Variants in SHANK2 observed in about 807,000 individuals in gnomAD.
The protein encoded by SHANK2 is SH3 and multiple ankyrin repeat domains 2, also known as SH3 and multiple ankyrin repeat domains protein 2.
SHANK2 carries 43 observed loss-of-function variants against 133.7 expected under a neutral mutation model. That is an observed-to-expected ratio of 0.32 (90% CI 0.25 to 0.41). SHANK2 has a LOEUF of 0.41. Among genes scored for constraint, SHANK2 ranks in the 10% least tolerant of loss-of-function variants. SHANK2 has a pLI of 1.00. For missense variants in SHANK2, 1,994 were observed against 2,235.8 expected, an observed-to-expected ratio of 0.89 and a Z score of 2.18; for synonymous variants, 1,017 against 952.8, an observed-to-expected ratio of 1.07 and a Z score of -1.24.
At chr11:70,727,641 T>G (rs1555031003) in intron 14 of SHANK2, among the ~76,000 whole-genome samples, 1 of 152,210 alleles carries the variant, frequency 6.6e-6, no homozygotes, top group East Asian at 1.9e-4. Flanking sequence ...CTGCTACCCC[T>G]GCTCTGCATT....
chr11:70,755,672 C>A (rs1946852741), intron 14 of SHANK2, among the ~76,000 whole-genome samples: 1 of 152,158 alleles, frequency 6.6e-6, no homozygotes, highest in South Asian at 2.1e-4. Flanking sequence ...CTGGAGGCCG[C>A]CCTCGGCTCC....
chr11:70,895,115 A>T (rs1461559311), intron 11 of SHANK2, among the ~76,000 whole-genome samples: 1 of 152,212 alleles, frequency 6.6e-6, no homozygotes, highest in African/African-American at 2.4e-5. Context: ...TGTGCAAGTC[A>T]GTGTCAGGCG....
At chr11:70,612,058 G>A (rs570453876) in intron 17 of SHANK2, among the ~76,000 whole-genome samples, 214 of 152,198 alleles carry the variant, frequency 1.4e-3, no homozygotes, top group African/African-American at 4.5e-3. Context: ...AGGAGGCGGC[G>A]TCCGGGCGTG....
At chr11:70,532,742 A>C (rs1380516891) in intron 17 of SHANK2, among the ~76,000 whole-genome samples, 1 of 152,224 alleles carries the variant, frequency 6.6e-6, no homozygotes, top group Non-Finnish European at 1.5e-5. Flanking sequence ...CCAATGACCC[A>C]GCAATTCCAT....
intron 14 of SHANK2, among the ~76,000 whole-genome samples, chr11:70,719,743 C>T (rs547210093): frequency 6.6e-6 from 1 of 151,456 alleles, no homozygotes; most frequent in Non-Finnish European, 1.5e-5. Flanking sequence ...TCCACAACAG[C>T]CCCGCGCTCC....
At chr11:71,218,831 G>C (rs547182106) in intron 2 of SHANK2, among the ~76,000 whole-genome samples, 2 of 152,308 alleles carry the variant, frequency 1.3e-5, no homozygotes. Context: ...TTGCTGTCCT[G>C]CCACTCAACC....
At chr11:71,077,988 G>A (rs1322549027) in intron 8 of SHANK2, among the ~76,000 whole-genome samples, 1 of 152,060 alleles carries the variant, frequency 6.6e-6, no homozygotes, top group Non-Finnish European at 1.5e-5. Context: ...TCTGCCTACT[G>A]AGAGGGTGCA....
At chr11:70,757,387 C>T (rs1946897583) in intron 14 of SHANK2, among the ~76,000 whole-genome samples, 1 of 152,232 alleles carries the variant, frequency 6.6e-6, no homozygotes. Flanking sequence ...AAGTCCTGCC[C>T]GCAGGGCTGG....
At chr11:70,708,660 C>T (rs999589904) in intron 14 of SHANK2, among the ~76,000 whole-genome samples, 2 of 152,180 alleles carry the variant, frequency 1.3e-5, no homozygotes, top group South Asian at 2.1e-4. Flanking sequence ...AGAGCACTTC[C>T]GGGTCAGGCA....
intron 17 of SHANK2, among the ~76,000 whole-genome samples, chr11:70,524,322 G>A (rs2059369126): frequency 2.6e-5 from 4 of 152,350 alleles, no homozygotes; most frequent in Admixed American, 2.6e-4. Flanking sequence ...CCTTACCAGC[G>A]TGGATGCACA....
At chr11:70,787,479 C>A (rs1947693620) in intron 14 of SHANK2, among the ~76,000 whole-genome samples, 1 of 148,224 alleles carries the variant, frequency 6.7e-6, no homozygotes. Flanking sequence ...ACTATCATCA[C>A]CGTGACCACC....
At chr11:70,561,447 C>T (rs1323455412) in intron 17 of SHANK2, among the ~76,000 whole-genome samples, 1 of 151,974 alleles carries the variant, frequency 6.6e-6, no homozygotes, top group African/African-American at 2.4e-5. Flanking sequence ...GCCAAAGAAC[C>T]AACTTTTGGT....
At chr11:70,773,892 T>TGAAGCCACTGTGGAACACAGTCTAG (rs1947306365) in intron 14 of SHANK2, among the ~76,000 whole-genome samples, 1 of 152,152 alleles carries the variant, frequency 6.6e-6, no homozygotes, top group African/African-American at 2.4e-5. Context: ...GAATGTAAAA[T>TGAAGCCACTGTGGAACACAGTCTAG]GAAGCCACTG....
At chr11:70,687,693 C>G (rs1301414488) in intron 15 of SHANK2, among the ~76,000 whole-genome samples, 1 of 152,208 alleles carries the variant, frequency 6.6e-6, no homozygotes, top group South Asian at 2.1e-4. Context: ...TCTCCTTTGC[C>G]TGCCGGCGGG....
intron 14 of SHANK2, among the ~76,000 whole-genome samples, chr11:70,756,170 C>T (rs531291782): frequency 6.6e-6 from 1 of 152,200 alleles, no homozygotes; most frequent in Admixed American, 6.5e-5. Flanking sequence ...GTTCCCAGAG[C>T]GAGGCAGAGA....
At chr11:71,096,759 GC>G (rs1327832081) in intron 6 of SHANK2, among the ~76,000 whole-genome samples, 6 of 152,218 alleles carry the variant, frequency 3.9e-5, no homozygotes, top group Non-Finnish European at 7.4e-5. Context: ...TTTGCCCAAT[GC>G]AAAAAGGCAG....
At chr11:70,542,124 T>C (rs531575805) in intron 17 of SHANK2, among the ~76,000 whole-genome samples, 7 of 152,194 alleles carry the variant, frequency 4.6e-5, no homozygotes, top group African/African-American at 9.7e-5. Context: ...ACAGACTACA[T>C]AGTGAGCTGA....
intron 3 of SHANK2, among the ~76,000 whole-genome samples, chr11:71,122,646 T>TTTAAGAACTTAAAGTATAA (rs1952101441): frequency 6.6e-6 from 1 of 152,032 alleles, no homozygotes; most frequent in South Asian, 2.1e-4. Context: ...TAAAGTATAA[T>TTTAAGAACTTAAAGTATAA]TTTAAAAAAA....
In SHANK2 at chr11:70,569,785, T is replaced by C. The variant is rs191523413; in HGVS notation, c.2062-66854A>G. Among the ~76,000 whole-genome samples the C allele has an allele frequency of 1.3e-5, 2 of 152,152 alleles. No individual in the cohort carries two copies. The highest frequency in any genetic ancestry group is 3.9e-4 in the East Asian group (2 of 5,156). On this transcript the variant is annotated intron_variant, in intron 17 of 25. Coordinates refer to ENST00000601538, the MANE Select transcript of SHANK2 (RefSeq NM_012309.5). The surrounding 1 kb of genome is among the most constrained non-coding windows in gnomAD (Gnocchi z 5.1). ...CTCTCCTGTCCCTGGGGGGCTGTGA[T>C]GCTGGCAGATGTGTGAGCACGGAGG...
Sources: allele counts gnomAD v4.1 joint callset (sites outside exome capture counted in the v4.1 genomes callset), GRCh38; gene constraint gnomAD v4.1.1; non-coding constraint Gnocchi (gnomAD v3.1); transcripts MANE v1.5; gene names NCBI Gene and HGNC (gene_info 2026-07-23, HGNC 2026-07-21).